Variants in ANO2 observed in about 807,000 individuals in gnomAD.
ANO2 encodes the protein anoctamin-2.
In ANO2, 101 loss-of-function variants were observed where a neutral mutation model predicts 124.2. That is an observed-to-expected ratio of 0.81 (90% CI 0.69 to 0.96). The LOEUF (loss-of-function observed/expected upper bound fraction) is 0.96, where lower values mean the gene tolerates loss of function less well. ANO2 is among the 40% of genes least tolerant of loss of function. The pLI is 0.00. For missense variants in ANO2, 1,293 were observed against 1,274.5 expected (o/e 1.01, Z -0.22); for synonymous variants, 486 against 482.5 (o/e 1.01, Z -0.09).
In ANO2 at chr12:5,862,321, C is replaced by T. The variant is rs777384188; in HGVS notation, c.535-8180G>A. Among the ~76,000 whole-genome samples, 39 of 152,276 alleles carry T rather than the reference C, an allele frequency of 2.6e-4. No individual in the cohort carries two copies. The highest frequency in any genetic ancestry group is 3.4e-3 in the Middle Eastern group (1 of 294). On this transcript the variant is annotated intron_variant, in intron 3 of 24. Transcript: ENST00000682330. The surrounding 1 kb of genome is among the most constrained non-coding windows in gnomAD (Gnocchi z 4.0). ...GACCCACTAAGACCAGCAGCAAGAC[C>T]CTTCCTTCTTATGGAAAAGACTTCA... is the stretch of plus-strand genomic sequence containing the variant.
intron 3 of ANO2, among the ~76,000 whole-genome samples, chr12:5,855,295 T>TC (rs1955064066): frequency 6.6e-6 from 1 of 152,110 alleles, no homozygotes; most frequent in African/African-American, 2.4e-5. Flanking sequence ...GAAGACTACG[T>TC]CCCCCCACTG....
chr12:5,791,431 C>G (rs775162430), intron 10 of ANO2, among the ~76,000 whole-genome samples: 4 of 152,170 alleles, frequency 2.6e-5, no homozygotes, highest in Non-Finnish European at 5.9e-5. Context: ...ATGGCCCCAT[C>G]ATAAGCCAAG....
At chr12:5,848,019 C>T (rs1047916432) in intron 4 of ANO2, among the ~76,000 whole-genome samples, 1 of 152,226 alleles carries the variant, frequency 6.6e-6, no homozygotes, top group Non-Finnish European at 1.5e-5. Flanking sequence ...CAGAAATTTT[C>T]ACACATTACT....
intron 11 of ANO2, among the ~76,000 whole-genome samples, chr12:5,748,044 C>T (rs933137255): frequency 5.3e-5 from 8 of 151,582 alleles, no homozygotes; most frequent in Non-Finnish European, 1.2e-4. Flanking sequence ...AGACATCTAT[C>T]TGCACGTGCA....
intron 7 of ANO2, among the ~76,000 whole-genome samples, chr12:5,823,151 C>T (rs139003157): frequency 2.6e-4 from 39 of 152,272 alleles, no homozygotes; most frequent in Non-Finnish European, 4.4e-4. Context: ...AATCTCATGT[C>T]CTCACATTTC....
chr12:5,727,634 CCTTTTTT>C (rs1950491527), intron 14 of ANO2, among the ~76,000 whole-genome samples: 1 of 133,736 alleles, frequency 7.5e-6, no homozygotes, highest in African/African-American at 2.6e-5. Context: ...CTCACCACTT[CCTTTTTT>C]TTTTTTTTTT....
intron 14 of ANO2, among the ~76,000 whole-genome samples, chr12:5,706,218 A>G (rs1263099437): frequency 1.3e-5 from 2 of 152,068 alleles, no homozygotes; most frequent in Non-Finnish European, 2.9e-5. Context: ...AAATACAATC[A>G]CTTATGTTTC....
chr12:5,751,610 A>G (rs768707286), intron 10 of ANO2, among the ~76,000 whole-genome samples: 7 of 152,214 alleles, frequency 4.6e-5, no homozygotes, highest in African/African-American at 7.2e-5. Flanking sequence ...GAGTTTGCAG[A>G]TAAGTATACA....
At chr12:5,719,396 A>G (rs1375494216) in intron 14 of ANO2, among the ~76,000 whole-genome samples, 1 of 152,200 alleles carries the variant, frequency 6.6e-6, no homozygotes, top group East Asian at 1.9e-4. Flanking sequence ...TCTGGTTTGA[A>G]TATATGAGTC....
Position 5,673,338 on chromosome 12 carries a change from G to A in ANO2, c.1546-25537C>T, listed in dbSNP as rs150340116. 2.6e-3 allele frequency among the ~76,000 whole-genome samples: 394 copies of A among 152,258 alleles called. 1 individual carries two copies. Among genetic ancestry groups the A allele is most frequent in the Non-Finnish European group, 4.7e-3 (321 of 68,024 alleles). On this transcript the variant is annotated intron_variant, in intron 14 of 24. Coordinates refer to ENST00000682330, the MANE Select transcript of ANO2 (RefSeq NM_001364791.2). ...TGACTTTTTGTCCTAGGTCCTTCCC[G>A]CTTGTCTCCTGGGTCTGTGTTTGCC...
intron 15 of ANO2, among the ~76,000 whole-genome samples, chr12:5,645,423 G>A (rs542524162): frequency 1.4e-5 from 2 of 147,780 alleles, no homozygotes; most frequent in African/African-American, 5.3e-5. Context: ...TCGTGTGTGT[G>A]TGAATGTGTG....
intron 14 of ANO2, among the ~76,000 whole-genome samples, chr12:5,669,231 G>T (rs1488873559): frequency 6.6e-6 from 1 of 152,010 alleles, no homozygotes; most frequent in Non-Finnish European, 1.5e-5. Flanking sequence ...ATGGTTTGTG[G>T]TTCTCCTTGA....
At chr12:5,694,504 A>C (rs1949088892) in intron 14 of ANO2, among the ~76,000 whole-genome samples, 1 of 152,142 alleles carries the variant, frequency 6.6e-6, no homozygotes, top group Non-Finnish European at 1.5e-5. Context: ...TTTACAGAGA[A>C]GCAAGTTTCA....
intron 3 of ANO2, among the ~76,000 whole-genome samples, chr12:5,858,330 AAT>A (rs1350898695): frequency 6.6e-6 from 1 of 152,228 alleles, no homozygotes; most frequent in African/African-American, 2.4e-5. Context: ...AAAAGGAAAA[AAT>A]ATGTTTGTGA....
intron 10 of ANO2, among the ~76,000 whole-genome samples, chr12:5,761,505 G>A (rs1443601801): frequency 3.3e-5 from 5 of 152,002 alleles, no homozygotes; most frequent in African/African-American, 7.2e-5. Flanking sequence ...GGATCCAACT[G>A]CCCTTTTATA....
chr12:5,873,955 G>A (rs12322146), intron 3 of ANO2, among the ~76,000 whole-genome samples: 4,534 of 152,272 alleles, frequency 0.03, 231 homozygotes, highest in African/African-American at 0.1. Flanking sequence ...CAAGAGACGC[G>A]CAGAGAAGCC....
rs1254898994 is a variant in ANO2, at chr12:5,750,925, T to C, written c.1101A>G (p.Gly367=). 3.1e-6 allele frequency: 5 copies of C among 1,609,750 alleles called. No individual in the cohort carries two copies. Among genetic ancestry groups the C allele is most frequent in the Middle Eastern group, 1.7e-4 (1 of 6,056 alleles). Residue 367 remains glycine (G), a synonymous_variant, in exon 11 of 25, where the codon GGA becomes GGG. Coordinates refer to ENST00000682330, the MANE Select transcript of ANO2 (RefSeq NM_001364791.2). ...EKIGLYFAWL[G]LYTSFLIPSS... The stretch of plus-strand genomic sequence containing the variant: ...ATGGGATGAGGAATGATGTATATAA[T>C]CCCAGCCAGGCAAAATACAGTCCAA...
chr12:5,569,854 T>C (rs1402654867), intron 23 of ANO2, among the ~76,000 whole-genome samples: 1 of 152,188 alleles, frequency 6.6e-6, no homozygotes, highest in Non-Finnish European at 1.5e-5. Flanking sequence ...TCTTCTGGGA[T>C]AGAACAGCTG....
At chr12:5,927,336 G>C (rs531433160) in intron 1 of ANO2, among the ~76,000 whole-genome samples, 17 of 152,280 alleles carry the variant, frequency 1.1e-4, no homozygotes, top group Admixed American at 2.6e-4. Flanking sequence ...CTCACCACTC[G>C]CAGGACTGCA....
Sources: allele counts gnomAD v4.1 joint callset (sites outside exome capture counted in the v4.1 genomes callset), GRCh38; gene constraint gnomAD v4.1.1; non-coding constraint Gnocchi (gnomAD v3.1); transcripts MANE v1.5; gene names NCBI Gene and HGNC (gene_info 2026-07-23, HGNC 2026-07-21).